The following DUSP10 variants were observed in gnomAD, a reference collection of about 807,000 sequenced individuals.
The protein encoded by DUSP10 is dual specificity protein phosphatase 10.
A neutral mutation model predicts 30.8 loss-of-function variants in DUSP10; 14 were observed. That is an observed-to-expected ratio of 0.46 (90% CI 0.30 to 0.71). The LOEUF (loss-of-function observed/expected upper bound fraction) is 0.71, where lower values mean the gene tolerates loss of function less well. DUSP10 is among the 30% of genes least tolerant of loss of function. The probability of loss-of-function intolerance (pLI) is 0.08; values close to 1 mark genes in which losing one functional copy is unlikely to be tolerated. For missense variants in DUSP10, 550 were observed against 619.4 expected (o/e 0.89, Z 1.19); for synonymous variants, 254 against 250.4 (o/e 1.01, Z -0.14).
intron 2 of DUSP10, among the ~76,000 whole-genome samples, chr1:221,735,295 G>A (rs1278149834): frequency 1.3e-5 from 2 of 152,172 alleles, no homozygotes; most frequent in Admixed American, 6.5e-5. Context: ...AGGGAGGAAG[G>A]GGGACACACA....
intron 2 of DUSP10, among the ~76,000 whole-genome samples, chr1:221,724,768 G>A (rs911625090): frequency 3.9e-5 from 6 of 152,080 alleles, no homozygotes; most frequent in African/African-American, 1.2e-4. Flanking sequence ...TAAAATCTAC[G>A]GTGCTATAAG....
rs1397829761 is a variant in DUSP10, at chr1:221,701,577, A to G, written c.*835T>C. On this transcript the variant is annotated 3_prime_UTR_variant, in exon 4 of 4. Transcript: ENST00000366899. ...ACAAGGTTTATGGCACTGTAACCAG[A>G]ATCAAATCAGAAAAAAAAAAAAAAA... The G allele has an allele frequency of 2.0e-5, 3 of 151,156 alleles. No individual in the cohort carries two copies. The highest frequency in any genetic ancestry group is 2.0e-4 in the Admixed American group (3 of 15,194). The allele number at this position is 151,156 out of a possible 1,614,324, so 9.4% of individuals were successfully genotyped here. A position where few individuals can be genotyped will look rare whatever the true frequency, so the allele number is the denominator to read the frequency against.
chr1:221,702,757 T>C lies in DUSP10; in HGVS notation c.1184-80A>G. The C allele has an allele frequency of 7.0e-7, 1 of 1,423,278 alleles. No individual in the cohort carries two copies. The highest frequency in any genetic ancestry group is 1.3e-5 in the South Asian group (1 of 79,414). 88.2% of individuals were successfully genotyped at this position (1,423,278 alleles called of 1,614,324 possible). A position where few individuals can be genotyped will look rare whatever the true frequency, so the allele number is the denominator to read the frequency against. On this transcript the variant is annotated intron_variant, in intron 3 of 3. Coordinates refer to ENST00000366899, the MANE Select transcript of DUSP10 (RefSeq NM_007207.6). The surrounding 1 kb of genome is among the most constrained non-coding windows in gnomAD (Gnocchi z 4.5). ...GAGAGAGAAACTTTCATCTCAACTT[T>C]GCAATGCCTTATTTTGTATAGAAAT...
intron 2 of DUSP10, among the ~76,000 whole-genome samples, chr1:221,716,643 T>C (rs1034394084): frequency 1.3e-5 from 2 of 152,214 alleles, no homozygotes; most frequent in African/African-American, 4.8e-5. Context: ...ATTTTGGGCT[T>C]CAATCAAGTG....
intron 2 of DUSP10, among the ~76,000 whole-genome samples, chr1:221,732,915 A>G (rs1661660152): frequency 2.0e-5 from 3 of 152,230 alleles, no homozygotes; most frequent in African/African-American, 7.2e-5. Context: ...GGGGCCCTCT[A>G]AAGTTCCTTG....
At chr1:221,703,872 A>C (rs951481267) in intron 3 of DUSP10, among the ~76,000 whole-genome samples, 3 of 152,160 alleles carry the variant, frequency 2.0e-5, no homozygotes, top group African/African-American at 7.2e-5. Flanking sequence ...AGGAAAAAAA[A>C]CCTGATGTAA....
intron 2 of DUSP10, among the ~76,000 whole-genome samples, chr1:221,723,891 A>G (rs868328965): frequency 1.8e-4 from 28 of 152,186 alleles, no homozygotes; most frequent in African/African-American, 6.3e-4. Flanking sequence ...ATTGAACTCA[A>G]TCTTCAGTCC....
At chr1:221,737,196 C>T (rs1462976015) in intron 2 of DUSP10, 5 of 985,310 alleles carry the variant, frequency 5.1e-6, no homozygotes, top group Admixed American at 6.1e-5. Flanking sequence ...GGTCTAGGAT[C>T]ATCTTGATCC....
intron 2 of DUSP10, among the ~76,000 whole-genome samples, chr1:221,707,375 G>A (rs897851386): frequency 7.9e-5 from 12 of 152,092 alleles, no homozygotes; most frequent in African/African-American, 2.4e-4. Context: ...TGAGAGCAGC[G>A]CGGTTGCTTA....
Position 221,706,179 on chromosome 1 carries a change from G to A in DUSP10, c.1099C>T (p.Leu367=). 1 of 1,614,138 alleles carries A rather than the reference G, an allele frequency of 6.2e-7. No individual in the cohort carries two copies. The highest frequency in any genetic ancestry group is 8.5e-7 in the Non-Finnish European group (1 of 1,180,022). The change falls in exon 3 of 4, where the codon CTG becomes TTG. Residue 367 remains leucine, a synonymous_variant. Coordinates refer to ENST00000366899, the MANE Select transcript of DUSP10 (RefSeq NM_007207.6). This position sits in a 1 kb window ranked among gnomAD's most constrained non-coding sequence, Gnocchi z 4.6. ...GCTGGCAGCCGCTTGTAGTTGAACA[G>A]GCCTTTCTCATAGTGGTAGAGGGGA... is the stretch of plus-strand genomic sequence containing the variant. The part of the protein sequence containing the change: ...HLPLYHYEKG[L]FNYKRLPATD...
At chr1:221,723,574 C>A (rs931526203) in intron 2 of DUSP10, among the ~76,000 whole-genome samples, 2 of 152,222 alleles carry the variant, frequency 1.3e-5, no homozygotes, top group Non-Finnish European at 2.9e-5. Context: ...GTTATAAATT[C>A]TGTGGCTTCT....
At chr1:221,716,088 T>C (rs957319669) in intron 2 of DUSP10, among the ~76,000 whole-genome samples, 1 of 150,298 alleles carries the variant, frequency 6.7e-6, no homozygotes, top group Non-Finnish European at 1.5e-5. Flanking sequence ...TCTCTGTCTC[T>C]CATAAATCCA....
At position 221,738,014 on chromosome 1, in the gene DUSP10, C is replaced by T. The variant is rs538915835; in HGVS notation, c.811+920G>A. Among the ~76,000 whole-genome samples, 9 of 152,146 alleles carry T rather than the reference C, an allele frequency of 5.9e-5. No individual in the cohort carries two copies. The South Asian group carries it at 1.0e-3, about 18-fold the overall frequency. ...ACTACCACCACCAGGTAAAAGATGC[C>T]GAATGAGAGTGATGTACAGTGCCCC... is the stretch of plus-strand genomic sequence containing the variant. On this transcript the variant is annotated intron_variant, in intron 2 of 3. Transcript: ENST00000366899.
At chr1:221,713,128 A>C (rs1258485417) in intron 2 of DUSP10, among the ~76,000 whole-genome samples, 1 of 152,232 alleles carries the variant, frequency 6.6e-6, no homozygotes, top group Non-Finnish European at 1.5e-5. Flanking sequence ...ATGCTGGTAC[A>C]GTTGCTTCAG....
intron 2 of DUSP10, among the ~76,000 whole-genome samples, chr1:221,716,439 T>C (rs1661110508): frequency 6.6e-6 from 1 of 152,180 alleles, no homozygotes; most frequent in South Asian, 2.1e-4. Context: ...AATCCTAGTC[T>C]GGAATAGAAG....
chr1:221,724,439 G>T (rs1249773555), intron 2 of DUSP10, among the ~76,000 whole-genome samples: 1 of 151,948 alleles, frequency 6.6e-6, no homozygotes, highest in Admixed American at 6.6e-5. Flanking sequence ...ATCATTTCAA[G>T]AGTCAATATT....
At position 221,739,486 on chromosome 1, in the gene DUSP10, C is replaced by A. The variant is rs775254813; in HGVS notation, c.259G>T (p.Asp87Tyr). Residue 87 changes from aspartate (D) to tyrosine (Y), a missense_variant, in exon 2 of 4, where the codon GAC (aspartate) becomes TAC (tyrosine). By Grantham distance (160) the Asp-to-Tyr change is radical. Transcript: ENST00000366899. ...SASCCTVATY[D>Y]KDNQAQTQAI... ...TGGGTTTGGGCCTGATTGTCCTTGTCGTAGGTTGCCACAGTGCAGCAGCTG... is the reference window on the plus strand; with the variant it reads ...TGGGTTTGGGCCTGATTGTCCTTGTAGTAGGTTGCCACAGTGCAGCAGCTG... 5 of 1,614,076 alleles carry A rather than the reference C, an allele frequency of 3.1e-6. No individual in the cohort carries two copies. Among genetic ancestry groups the A allele is most frequent in the Non-Finnish European group, 4.2e-6 (5 of 1,180,028 alleles).
chr1:221,721,618 G>A lies in DUSP10; in HGVS notation c.812-15152C>T, dbSNP rs549140594. ...AAATGTGACAAATGGGCACCTTCCA[G>A]GGAGGGCTGAAATCCAAGGCAAATC... On this transcript the variant is annotated intron_variant, in intron 2 of 3. Transcript: ENST00000366899. Among the ~76,000 whole-genome samples the A allele has an allele frequency of 1.3e-4, 20 of 152,278 alleles. No homozygotes were observed. The South Asian group carries it at 2.3e-3, about 17-fold the overall frequency.
Position 221,739,225 on chromosome 1 carries a change from T to C in DUSP10, c.520A>G (p.Ile174Val), listed in dbSNP as rs760626501. The change falls in exon 2 of 4, where the codon ATC becomes GTC. Residue 174 changes from isoleucine (I) to valine (V), a missense_variant. Transcript: ENST00000366899. Reference sequence around the variant, plus strand: ...TCCATGAAGGGCCTGCAGTCAATGATGACAGGGCCCTGACTCGGCAGGTGA... The same window carrying C: ...TCCATGAAGGGCCTGCAGTCAATGACGACAGGGCCCTGACTCGGCAGGTGA... ...KSHLPSQGPVIIDCRPFMEYN... is the reference protein window; with the variant it reads ...KSHLPSQGPVVIDCRPFMEYN... The C allele has an allele frequency of 8.1e-6, 13 of 1,614,088 alleles. No individual in the cohort carries two copies. In the East Asian group the frequency reaches 2.5e-4, roughly 30 times the overall value.
Sources: gnomAD v4.1 joint callset for allele counts (sites outside exome capture counted in the v4.1 genomes callset) on GRCh38, gnomAD v4.1.1 for gene constraint, Gnocchi (gnomAD v3.1) non-coding constraint, MANE v1.5 for transcripts, NCBI Gene and HGNC (gene_info 2026-07-23, HGNC 2026-07-21) for gene names.